EYS: variants seen among roughly 807,000 people sequenced by gnomAD.
EYS encodes protein eyes shut homolog.
Under a neutral mutation model 282.1 loss-of-function variants are expected in EYS, and 250 were observed. The ratio of observed to expected loss-of-function variants is 0.89; its 90% CI spans 0.80 to 0.98. EYS has a LOEUF of 0.98. Ranked by LOEUF, EYS falls within the 50% of genes least tolerant of loss-of-function variation. EYS has a pLI of 0.00. For synonymous variants in EYS, 1,355 were observed against 1,282.9 expected, an observed-to-expected ratio of 1.06 and a Z score of -1.20; for missense variants, 4,016 against 3,709.0, an observed-to-expected ratio of 1.08 and a Z score of -2.15.
At chr6:64,099,957 T>G (rs1362359487) in intron 31 of EYS, among the ~76,000 whole-genome samples, 1 of 152,222 alleles carries the variant, frequency 6.6e-6, no homozygotes, top group African/African-American at 2.4e-5. Flanking sequence ...TTTGAGACTG[T>G]AATTCTGAAA....
chr6:64,031,261 C>T (rs553332959), intron 33 of EYS, among the ~76,000 whole-genome samples: 22 of 152,216 alleles, frequency 1.4e-4, no homozygotes, highest in East Asian at 1.9e-4. Flanking sequence ...AGGGGCTGGC[C>T]GGCACCACCG....
intron 26 of EYS, among the ~76,000 whole-genome samples, chr6:64,585,261 A>T (rs1231156972): frequency 6.6e-6 from 1 of 152,126 alleles, no homozygotes; most frequent in East Asian, 1.9e-4. Flanking sequence ...AGTAGGAGCT[A>T]AACAGTGAGT....
intron 1 of EYS, among the ~76,000 whole-genome samples, chr6:65,680,710 C>G (rs754009060): frequency 6.6e-6 from 1 of 151,908 alleles, no homozygotes; most frequent in Non-Finnish European, 1.5e-5. Context: ...TATAAATGAC[C>G]TAATAACAAA....
chr6:64,943,067 A>G (rs1019017219), intron 15 of EYS, among the ~76,000 whole-genome samples: 30 of 152,096 alleles, frequency 2.0e-4, no homozygotes, highest in African/African-American at 5.8e-4. Context: ...AACACAAATC[A>G]ATAAATGTGA....
chr6:65,434,892 C>A (rs542210270), intron 5 of EYS, among the ~76,000 whole-genome samples: 8 of 151,862 alleles, frequency 5.3e-5, no homozygotes, highest in Non-Finnish European at 4.4e-5. Context: ...TCTTTTCGTA[C>A]CTTTATTATC....
intron 13 of EYS, among the ~76,000 whole-genome samples, chr6:65,048,942 GTTAA>G (rs1257285588): frequency 6.6e-6 from 1 of 151,806 alleles, no homozygotes; most frequent in Non-Finnish European, 1.5e-5. Flanking sequence ...TCTGCAAGCA[GTTAA>G]TTTTTTCTTT....
At chr6:64,772,621 T>A (rs1034383872) in intron 22 of EYS, among the ~76,000 whole-genome samples, 2 of 151,764 alleles carry the variant, frequency 1.3e-5, no homozygotes, top group African/African-American at 4.8e-5. Flanking sequence ...CTAACTATAT[T>A]TTTGTATCCA....
At chr6:64,233,815 T>A (rs1582462060) in intron 30 of EYS, among the ~76,000 whole-genome samples, 2 of 152,326 alleles carry the variant, frequency 1.3e-5, no homozygotes, top group Admixed American at 1.3e-4. Context: ...GACAGCAATT[T>A]CCAGTCGTGT....
intron 11 of EYS, among the ~76,000 whole-genome samples, chr6:65,298,986 A>C (rs1205192389): frequency 1.3e-5 from 2 of 152,080 alleles, no homozygotes; most frequent in African/African-American, 4.8e-5. Flanking sequence ...CAAATATATC[A>C]GTGGATTCTA....
intron 5 of EYS, among the ~76,000 whole-genome samples, chr6:65,417,907 T>C (rs970276081): frequency 6.6e-6 from 1 of 151,920 alleles, no homozygotes; most frequent in Non-Finnish European, 1.5e-5. Flanking sequence ...ATGTAAATCA[T>C]GCATAGAATA....
At chr6:64,009,690 A>G (rs942935444) in intron 33 of EYS, among the ~76,000 whole-genome samples, 2 of 152,018 alleles carry the variant, frequency 1.3e-5, no homozygotes, top group Admixed American at 6.5e-5. Flanking sequence ...AATCTTGATG[A>G]TCTTTGTTCC....
chr6:65,507,206 G>C (rs940666038), intron 2 of EYS, among the ~76,000 whole-genome samples: 1 of 151,936 alleles, frequency 6.6e-6, no homozygotes, highest in Admixed American at 6.6e-5. Flanking sequence ...TAGAATTCTA[G>C]GTTAGTGGGC....
At chr6:65,250,389 G>A (rs919324090) in intron 12 of EYS, among the ~76,000 whole-genome samples, 1 of 151,978 alleles carries the variant, frequency 6.6e-6, no homozygotes, top group African/African-American at 2.4e-5. Flanking sequence ...CTGAGGGGAA[G>A]AGACACTATC....
chr6:64,544,342 T>A (rs1764782696), intron 26 of EYS, among the ~76,000 whole-genome samples: 1 of 152,192 alleles, frequency 6.6e-6, no homozygotes, highest in South Asian at 2.1e-4. Context: ...TTAAGTGAAT[T>A]CAGATCAAAG....
At chr6:64,784,386 ATTAAG>A (rs1773953685) in intron 22 of EYS, among the ~76,000 whole-genome samples, 1 of 152,062 alleles carries the variant, frequency 6.6e-6, no homozygotes, top group Non-Finnish European at 1.5e-5. Context: ...GTGAAGCTTT[ATTAAG>A]TTTTTTTAAA....
chr6:65,505,539 C>T (rs1021758138), intron 2 of EYS, among the ~76,000 whole-genome samples: 1 of 151,806 alleles, frequency 6.6e-6, no homozygotes, highest in African/African-American at 2.4e-5. Context: ...TAATGTTATA[C>T]GTTTGTCTCT....
At chr6:64,617,805 T>C (rs1338280041) in intron 23 of EYS, among the ~76,000 whole-genome samples, 1 of 152,178 alleles carries the variant, frequency 6.6e-6, no homozygotes, top group Non-Finnish European at 1.5e-5. Flanking sequence ...ATGTATGATA[T>C]GTCTCAGCTC....
chr6:65,575,345 A>AATAAATAAATAAATAC (rs1336217017), intron 2 of EYS, among the ~76,000 whole-genome samples: 1 of 150,878 alleles, frequency 6.6e-6, no homozygotes, highest in Non-Finnish European at 1.5e-5. Context: ...TAAATAAATA[A>AATAAATAAATAAATAC]ATAAATAAAT....
intron 12 of EYS, among the ~76,000 whole-genome samples, chr6:65,287,637 A>T (rs1011347099): frequency 6.6e-6 from 1 of 151,420 alleles, no homozygotes; most frequent in African/African-American, 2.4e-5. Flanking sequence ...AGATTCTGAA[A>T]AAAAACGAAA....
Sources: gnomAD v4.1 joint callset for allele counts (sites outside exome capture counted in the v4.1 genomes callset) on GRCh38, gnomAD v4.1.1 for gene constraint, MANE v1.5 for transcripts, NCBI Gene and HGNC (gene_info 2026-07-23, HGNC 2026-07-21) for gene names.